The following UBR3 variants were observed in gnomAD, a reference collection of about 807,000 sequenced individuals.
UBR3 encodes the protein ubiquitin protein ligase E3 component n-recognin 3.
A neutral mutation model predicts 243.2 loss-of-function variants in UBR3; 85 were observed. The observed-to-expected ratio is 0.35, with a 90% CI of 0.29 to 0.42. The LOEUF (loss-of-function observed/expected upper bound fraction) is 0.42, where lower values mean the gene tolerates loss of function less well. Among genes scored for constraint, UBR3 ranks in the 10% least tolerant of loss-of-function variants. UBR3 has a pLI of 1.00. For missense variants in UBR3, 1,686 were observed against 2,300.8 expected (o/e 0.73, Z 5.47); for synonymous variants, 748 against 799.8 (o/e 0.94, Z 1.09).
intron 32 of UBR3, among the ~76,000 whole-genome samples, chr2:170,049,780 G>A (rs1027625847): frequency 2.6e-5 from 4 of 151,754 alleles, no homozygotes; most frequent in South Asian, 2.1e-4. Flanking sequence ...CTTTACTATC[G>A]CCCTCTCCAG....
At chr2:169,947,736 G>GA in intron 22 of UBR3, 21 bp downstream of exon 22, 1 of 1,427,736 alleles carries the variant, frequency 7.0e-7, no homozygotes, top group Non-Finnish European at 9.2e-7. Flanking sequence ...ATGTAAGAAA[G>GA]AAAATAAGAA....
intron 36 of UBR3, among the ~76,000 whole-genome samples, chr2:170,076,167 G>T (rs1379646478): frequency 6.6e-6 from 1 of 152,162 alleles, no homozygotes; most frequent in East Asian, 1.9e-4. Context: ...GGTGGGGCAG[G>T]ATCTTGTGTT....
intron 5 of UBR3, among the ~76,000 whole-genome samples, chr2:169,881,394 G>T (rs925591778): frequency 6.6e-6 from 1 of 151,870 alleles, no homozygotes; most frequent in African/African-American, 2.4e-5. Flanking sequence ...GGTCAGGCTG[G>T]TGTTGAACTC....
intron 8 of UBR3, among the ~76,000 whole-genome samples, chr2:169,900,322 C>T (rs1487931345): frequency 2.0e-5 from 3 of 152,164 alleles, no homozygotes; most frequent in Non-Finnish European, 4.4e-5. Context: ...TCATGTCCTT[C>T]ACCCACTTTT....
intron 36 of UBR3, among the ~76,000 whole-genome samples, chr2:170,075,092 G>T (rs2091776965): frequency 6.6e-6 from 1 of 151,992 alleles, no homozygotes; most frequent in Non-Finnish European, 1.5e-5. Flanking sequence ...TTAAAACATT[G>T]GAGTGAATAA....
intron 18 of UBR3, among the ~76,000 whole-genome samples, chr2:169,932,339 A>G (rs984264921): frequency 2.6e-5 from 4 of 152,262 alleles, no homozygotes; most frequent in South Asian, 4.1e-4. Context: ...CAGCTGCCCA[A>G]AGTGCTGGGA....
intron 18 of UBR3, among the ~76,000 whole-genome samples, chr2:169,932,072 AT>A (rs1559107016): frequency 1.5e-5 from 2 of 131,604 alleles, no homozygotes; most frequent in African/African-American, 5.7e-5. Flanking sequence ...TCAATAGCTC[AT>A]TAATTTTTTT....
At chr2:170,013,917 G>C in intron 29 of UBR3, 1 of 469,878 alleles carries the variant, frequency 2.1e-6, no homozygotes, top group Admixed American at 2.4e-5. Flanking sequence ...ACACATGCTG[G>C]TCTCCGCTCG....
At chr2:169,989,295 T>C (rs2089171639) in intron 25 of UBR3, among the ~76,000 whole-genome samples, 1 of 152,182 alleles carries the variant, frequency 6.6e-6, no homozygotes, top group South Asian at 2.1e-4. Flanking sequence ...TATTTATTTA[T>C]TTATTTTGCT....
intron 1 of UBR3, among the ~76,000 whole-genome samples, chr2:169,835,159 T>G (rs1333459766): frequency 6.6e-6 from 1 of 152,186 alleles, no homozygotes; most frequent in Non-Finnish European, 1.5e-5. Context: ...CTTAAGATGT[T>G]TTAAATGGTA....
intron 5 of UBR3, among the ~76,000 whole-genome samples, chr2:169,885,296 T>C (rs2084047387): frequency 1.3e-5 from 2 of 152,190 alleles, no homozygotes; most frequent in Non-Finnish European, 2.9e-5. Context: ...TTAAAAGATA[T>C]TTTGGCTGGG....
chr2:170,072,479 G>A lies in UBR3; in HGVS notation c.5020-949G>A, dbSNP rs148797520. Among the ~76,000 whole-genome samples, 687 of 151,970 alleles carry A rather than the reference G, an allele frequency of 4.5e-3. 4 individuals carry two copies. The highest frequency in any genetic ancestry group is 0.015 in the African/African-American group (638 of 41,434). Reference sequence around the variant, plus strand: ...GGAGATATACCTAATGCTAAATGACGAGTTAATGGGTACAGCACATCAGCA... The same window carrying A: ...GGAGATATACCTAATGCTAAATGACAAGTTAATGGGTACAGCACATCAGCA... On this transcript the variant is annotated intron_variant, in intron 35 of 38. Coordinates refer to ENST00000272793, the MANE Select transcript of UBR3 (RefSeq NM_172070.4).
chr2:169,877,950 T>G (rs2083676507), intron 4 of UBR3, among the ~76,000 whole-genome samples: 1 of 152,206 alleles, frequency 6.6e-6, no homozygotes, highest in South Asian at 2.1e-4. Context: ...AAACTATGGT[T>G]TAAAACTAAA....
intron 1 of UBR3, among the ~76,000 whole-genome samples, chr2:169,863,056 A>C (rs2083143449): frequency 6.6e-6 from 1 of 152,148 alleles, no homozygotes; most frequent in East Asian, 1.9e-4. Context: ...TACTTTTCAA[A>C]TTCTTGAAAA....
chr2:170,025,141 C>A (rs2090494244), intron 30 of UBR3, among the ~76,000 whole-genome samples: 1 of 152,070 alleles, frequency 6.6e-6, no homozygotes, highest in Middle Eastern at 3.4e-3. Context: ...TTTAAAAATC[C>A]TATTATATGT....
chr2:169,864,563 A>T (rs2083189701), intron 1 of UBR3, among the ~76,000 whole-genome samples: 1 of 151,992 alleles, frequency 6.6e-6, no homozygotes, highest in African/African-American at 2.4e-5. Flanking sequence ...CAGGAGTTTG[A>T]GACCAGCCTG....
intron 1 of UBR3, among the ~76,000 whole-genome samples, chr2:169,836,532 A>G (rs1488238153): frequency 2.6e-5 from 4 of 151,948 alleles, no homozygotes; most frequent in African/African-American, 7.2e-5. Context: ...TAGCTAATGC[A>G]TGCTGGGCTT....
intron 11 of UBR3, 91 bp from the exon 12 acceptor site, chr2:169,923,838 C>A: frequency 1.9e-6 from 2 of 1,049,338 alleles, no homozygotes; most frequent in Non-Finnish European, 2.7e-6. Context: ...AGGAATAAAT[C>A]CAGGTGAGAG....
chr2:169,894,661 A>G (rs2084513050), intron 6 of UBR3, among the ~76,000 whole-genome samples: 1 of 152,210 alleles, frequency 6.6e-6, no homozygotes, highest in Non-Finnish European at 1.5e-5. Context: ...GTATGAACAC[A>G]TTATTCAATA....
Sources: allele counts gnomAD v4.1 joint callset (sites outside exome capture counted in the v4.1 genomes callset), GRCh38; gene constraint gnomAD v4.1.1; transcripts MANE v1.5; gene names NCBI Gene and HGNC (gene_info 2026-07-23, HGNC 2026-07-21).